SMC5: variants seen among roughly 807,000 people sequenced by gnomAD.
SMC5 encodes structural maintenance of chromosomes protein 5.
SMC5 carries 88 observed loss-of-function variants against 148.3 expected under a neutral mutation model. That is an observed-to-expected ratio of 0.59 (90% CI 0.50 to 0.71). The LOEUF is 0.71. Ranked by LOEUF, SMC5 falls within the 30% of genes least tolerant of loss-of-function variation. The pLI is 0.00. For synonymous variants in SMC5, 421 were observed against 432.8 expected (o/e 0.97, Z 0.34); for missense variants, 1,142 against 1,298.9 (o/e 0.88, Z 1.86).
Position 70,259,099 on chromosome 9 carries a change from G to T in SMC5, c.21G>T (p.Lys7Asn). The T allele has an allele frequency of 1.2e-6, 2 of 1,609,156 alleles. No homozygotes were observed. Among genetic ancestry groups the T allele is most frequent in the South Asian group, 2.2e-5 (2 of 90,300 alleles). MATPSKKTSTPSPQPSK... is the reference protein window; with the variant it reads MATPSKNTSTPSPQPSK... ...CCAGGATGGCGACTCCGAGCAAGAA[G>T]ACGTCAACTCCAAGCCCCCAGCCTT... The change falls in exon 1 of 25, where the codon AAG becomes AAT. Residue 7 changes from lysine (K) to asparagine (N), a missense_variant. By Grantham distance (94) the Lys-to-Asn change is moderately conservative (BLOSUM62 0). This residue lies in a region of SMC5 where 297 missense variants were observed against 302.6 expected (regional missense o/e 0.98). Coordinates refer to ENST00000361138, the MANE Select transcript of SMC5 (RefSeq NM_015110.4).
intron 7 of SMC5, among the ~76,000 whole-genome samples, chr9:70,284,640 T>C (rs1427093985): frequency 1.3e-5 from 2 of 152,264 alleles, no homozygotes; most frequent in East Asian, 1.9e-4. Flanking sequence ...GCTATTGTTA[T>C]ATTAGGCTCA....
At chr9:70,322,278 G>C (rs1356329981) in intron 15 of SMC5, among the ~76,000 whole-genome samples, 1 of 151,958 alleles carries the variant, frequency 6.6e-6, no homozygotes, top group African/African-American at 2.4e-5. Flanking sequence ...TCTGCAAAAC[G>C]CTCAACCTTT....
intron 17 of SMC5, among the ~76,000 whole-genome samples, chr9:70,337,454 T>G (rs1401637275): frequency 3.2e-5 from 1 of 31,670 alleles, no homozygotes; most frequent in African/African-American, 5.1e-5. Context: ...GGATTTGTTT[T>G]TTTTTTTTTT....
chr9:70,280,919 GGC>G lies in SMC5; in HGVS notation c.819+21_819+22del, dbSNP rs989309040. On this transcript the variant is annotated intron_variant, in intron 6 of 24. Coordinates refer to ENST00000361138, the MANE Select transcript of SMC5 (RefSeq NM_015110.4). Reference sequence around the variant, plus strand: ...TGGGTGGTAAGTCATAATTTTTAGAGGCAAAGTACGTGTTTCTTTAAGTAGCA... The same window carrying G: ...TGGGTGGTAAGTCATAATTTTTAGAGAAAGTACGTGTTTCTTTAAGTAGCA... 14 of 1,612,788 alleles carry G rather than the reference GGC, an allele frequency of 8.7e-6. No homozygotes were observed. Among genetic ancestry groups the G allele is most frequent in the Non-Finnish European group, 7.6e-6 (9 of 1,179,652 alleles).
At chr9:70,346,088 CT>C (rs2036660478) in intron 18 of SMC5, among the ~76,000 whole-genome samples, 1 of 152,106 alleles carries the variant, frequency 6.6e-6, no homozygotes, top group Non-Finnish European at 1.5e-5. Flanking sequence ...AACAGGGTTG[CT>C]TAAAGTGATA....
In SMC5 at chr9:70,286,184, C is replaced by T. The variant is rs757431169; in HGVS notation, c.982-16C>T. On this transcript the variant is annotated splice_polypyrimidine_tract_variant and intron_variant, in intron 7 of 24. Coordinates refer to ENST00000361138, the MANE Select transcript of SMC5 (RefSeq NM_015110.4). The stretch of plus-strand genomic sequence containing the variant: ...TTAACTAGCTGTCCCCCCCTCTCCC[C>T]GGTTTAATTTTACAGGCAACAGATA... 6.9e-5 allele frequency: 103 copies of T among 1,501,104 alleles called. 1 individual carries two copies. In the East Asian group the frequency reaches 9.6e-4, roughly 14 times the overall value. 93.0% of individuals were successfully genotyped at this position (1,501,104 alleles called of 1,614,324 possible).
At position 70,347,158 on chromosome 9, in the gene SMC5, T is replaced by C. The variant is rs767897822; in HGVS notation, c.2661T>C (p.Pro887=). 2.5e-6 allele frequency: 4 copies of C among 1,613,148 alleles called. No homozygotes were observed. In the South Asian group the frequency reaches 3.3e-5, roughly 13 times the overall value. ...CTTCCTGCTTCACGGGACTGAATCCTACAGTATGCCTGTTTCTCTATTCCC... is the reference window on the plus strand; with the variant it reads ...CTTCCTGCTTCACGGGACTGAATCCCACAGTATGCCTGTTTCTCTATTCCC... ...SRASCFTGLN[P]TIVQEYTKRE... Residue 887 remains proline (P), a synonymous_variant, in exon 20 of 25, where the codon CCT becomes CCC. Coordinates refer to ENST00000361138, the MANE Select transcript of SMC5 (RefSeq NM_015110.4).
chr9:70,325,971 G>A (rs1256695963), intron 17 of SMC5, among the ~76,000 whole-genome samples: 5 of 151,912 alleles, frequency 3.3e-5, no homozygotes, highest in African/African-American at 9.7e-5. Context: ...GATACACAAA[G>A]ACAAGAGACT....
chr9:70,265,660 G>A (rs892749889), intron 2 of SMC5, among the ~76,000 whole-genome samples: 6 of 152,044 alleles, frequency 3.9e-5, no homozygotes, highest in African/African-American at 1.4e-4. Context: ...AAAGTTGAGA[G>A]TGAAAGGATG....
At chr9:70,315,406 A>G in intron 12 of SMC5, 40 bp from the exon 13 acceptor site, 1 of 1,445,826 alleles carries the variant, frequency 6.9e-7, no homozygotes, top group Non-Finnish European at 9.3e-7. Flanking sequence ...TTTTAATGAT[A>G]TTTTAAGAAG....
intron 1 of SMC5, among the ~76,000 whole-genome samples, chr9:70,262,247 G>A (rs1587609727): frequency 6.6e-6 from 1 of 152,084 alleles, no homozygotes; most frequent in Non-Finnish European, 1.5e-5. Flanking sequence ...AGAGCAATAA[G>A]GAATTATAGT....
chr9:70,285,287 C>G (rs1329032203), intron 7 of SMC5, among the ~76,000 whole-genome samples: 1 of 152,060 alleles, frequency 6.6e-6, no homozygotes, highest in Non-Finnish European at 1.5e-5. Flanking sequence ...TAGAAGAAAC[C>G]AGGCACAAGC....
intron 3 of SMC5, 58 bp downstream of exon 3, chr9:70,268,033 T>C (rs2034340175): frequency 2.2e-6 from 3 of 1,342,828 alleles, no homozygotes; most frequent in South Asian, 1.3e-5. Flanking sequence ...TTTATATTCA[T>C]GTTTTCCTGA....
At chr9:70,313,379 ACTT>A (rs2035710490) in intron 11 of SMC5, among the ~76,000 whole-genome samples, 1 of 152,144 alleles carries the variant, frequency 6.6e-6, no homozygotes, top group South Asian at 2.1e-4. Context: ...GCTACGTTAA[ACTT>A]CTTTGCTAAT....
chr9:70,351,423 C>CT (rs1374812737), intron 24 of SMC5, among the ~76,000 whole-genome samples: 3 of 151,834 alleles, frequency 2.0e-5, no homozygotes, highest in South Asian at 2.1e-4. Context: ...CATCTGTCTT[C>CT]TTTTTTTCAG....
chr9:70,301,768 T>A (rs2035363500), intron 10 of SMC5, among the ~76,000 whole-genome samples: 1 of 152,204 alleles, frequency 6.6e-6, no homozygotes, highest in South Asian at 2.1e-4. Flanking sequence ...TTAAAATGTT[T>A]CTGTAGGTCT....
intron 3 of SMC5, among the ~76,000 whole-genome samples, chr9:70,271,110 T>G (rs1392090414): frequency 6.6e-6 from 1 of 150,626 alleles, no homozygotes; most frequent in East Asian, 1.9e-4. Context: ...CAATGACCAT[T>G]ACCATTGAAT....
intron 17 of SMC5, 93 bp downstream of exon 17, chr9:70,324,236 G>T: frequency 4.7e-6 from 6 of 1,274,452 alleles, no homozygotes; most frequent in Non-Finnish European, 6.4e-6. Context: ...TATATAGTTT[G>T]TTGTTTTATG....
intron 8 of SMC5, 33 bp downstream of exon 8, chr9:70,286,304 A>G (rs1481924240): frequency 3.6e-6 from 5 of 1,388,470 alleles, no homozygotes; most frequent in South Asian, 1.2e-5. Flanking sequence ...TTATTACATT[A>G]AAGTTTGCTC....
Sources: allele counts gnomAD v4.1 joint callset (sites outside exome capture counted in the v4.1 genomes callset), GRCh38; gene constraint gnomAD v4.1.1; regional missense constraint gnomAD v4.1.1; transcripts MANE v1.5; gene names NCBI Gene and HGNC (gene_info 2026-07-23, HGNC 2026-07-21).